Variants in ANK3 observed in about 807,000 individuals in gnomAD.
ANK3 encodes ankyrin 3.
ANK3 carries 57 observed loss-of-function variants against 370.9 expected under a neutral mutation model. The observed-to-expected ratio is 0.15, with a 90% CI of 0.12 to 0.19. The LOEUF is 0.19. Ranked by LOEUF, ANK3 falls within the 10% of genes least tolerant of loss-of-function variation. ANK3 has a pLI of 1.00. For synonymous variants in ANK3, 1,929 were observed against 1,946.3 expected, an observed-to-expected ratio of 0.99 and a Z score of 0.23; for missense variants, 4,439 against 5,302.1, an observed-to-expected ratio of 0.84 and a Z score of 5.06.
intron 2 of ANK3, among the ~76,000 whole-genome samples, chr10:60,523,964 T>C (rs1007471883): frequency 1.3e-5 from 2 of 152,040 alleles, no homozygotes; most frequent in African/African-American, 2.4e-5. Flanking sequence ...CATACACTGG[T>C]CTATTCAAAA....
chr10:60,726,181 C>A (rs970827618), intron 1 of ANK3, among the ~76,000 whole-genome samples: 2 of 152,102 alleles, frequency 1.3e-5, no homozygotes, highest in African/African-American at 4.8e-5. Context: ...AACAATCCCA[C>A]AAGGTGGATG....
intron 23 of ANK3, among the ~76,000 whole-genome samples, chr10:60,157,515 T>A (rs2095369690): frequency 6.6e-6 from 1 of 151,950 alleles, no homozygotes; most frequent in African/African-American, 2.4e-5. Flanking sequence ...ATTTTTATTT[T>A]TTATAGAGAC....
chr10:60,331,202 A>G (rs1224344649), intron 1 of ANK3, among the ~76,000 whole-genome samples: 1 of 152,166 alleles, frequency 6.6e-6, no homozygotes, highest in Non-Finnish European at 1.5e-5. Context: ...CCACCATGGC[A>G]TGTGTATACC....
Position 60,074,027 on chromosome 10 carries a change from T to A in ANK3, c.6854A>T (p.Asp2285Val). The part of the protein sequence containing the change: ...DIMKAFQSGR[D>V]PSKELAGLFE... ...CAGACCTGCCAGTTCTTTGGAAGGA[T>A]CCCGCCCGGACTGAAAGGCCTTCAT... Residue 2285 changes from aspartate to valine, a missense_variant, in exon 37 of 44, where the codon GAT becomes GTT. Coordinates refer to ENST00000280772, the MANE Select transcript of ANK3 (RefSeq NM_020987.5). 1.9e-6 allele frequency: 3 copies of A among 1,614,108 alleles called. No homozygotes were observed. The highest frequency in any genetic ancestry group is 2.5e-6 in the Non-Finnish European group (3 of 1,179,996).
chr10:60,158,677 C>CTTTCTTTCTTTT (rs2095416199), intron 23 of ANK3, among the ~76,000 whole-genome samples: 1 of 49,280 alleles, frequency 2.0e-5, no homozygotes, highest in African/African-American at 1.3e-4. Context: ...AGAGAAAGCA[C>CTTTCTTTCTTTT]TTTTTTTCTT....
chr10:60,370,364 A>C (rs2059944459), intron 1 of ANK3, among the ~76,000 whole-genome samples: 2 of 152,220 alleles, frequency 1.3e-5, no homozygotes, highest in Admixed American at 1.3e-4. Flanking sequence ...GGATTATATT[A>C]ATCATGCAGA....
intron 1 of ANK3, among the ~76,000 whole-genome samples, chr10:60,667,053 T>C (rs1459411695): frequency 1.3e-5 from 2 of 151,244 alleles, no homozygotes; most frequent in South Asian, 2.1e-4. Flanking sequence ...CTTACACTAC[T>C]GTAAAAAAAA....
Position 60,459,857 on chromosome 10 carries a change from C to T in ANK3, c.96+155329G>A, listed in dbSNP as rs558611324. Among the ~76,000 whole-genome samples the T allele has an allele frequency of 5.3e-5, 8 of 152,222 alleles. No individual in the cohort carries two copies. In the South Asian group the frequency reaches 1.7e-3, roughly 32 times the overall value. ...TCCTTTGCCAATATTTTCAGTGCTTCCTTTATCTGAAAGCCATCTGTCTCC... is the reference window on the plus strand; with the variant it reads ...TCCTTTGCCAATATTTTCAGTGCTTTCTTTATCTGAAAGCCATCTGTCTCC... On this transcript the variant is annotated intron_variant, in intron 2 of 43. Coordinates refer to the ANK3 transcript ENST00000373827.
intron 2 of ANK3, among the ~76,000 whole-genome samples, chr10:60,551,183 T>G (rs1368589876): frequency 6.6e-6 from 1 of 152,132 alleles, no homozygotes; most frequent in African/African-American, 2.4e-5. Flanking sequence ...TTCAAGGATA[T>G]CTATCACTGT....
At chr10:60,658,983 G>A (rs1351453247) in intron 1 of ANK3, among the ~76,000 whole-genome samples, 1 of 151,806 alleles carries the variant, frequency 6.6e-6, no homozygotes, top group African/African-American at 2.4e-5. Context: ...GAAGGGACGG[G>A]AGGGGAGGAT....
At chr10:60,307,453 C>T (rs1020380763) in intron 1 of ANK3, among the ~76,000 whole-genome samples, 1 of 152,098 alleles carries the variant, frequency 6.6e-6, no homozygotes, top group Non-Finnish European at 1.5e-5. Context: ...CCACCTCAGC[C>T]TCCTAAGTAG....
At chr10:60,604,822 AC>A (rs1341397628) in intron 2 of ANK3, among the ~76,000 whole-genome samples, 2 of 152,066 alleles carry the variant, frequency 1.3e-5, no homozygotes, top group African/African-American at 2.4e-5. Flanking sequence ...AGGCTCCAAC[AC>A]TCATAGATAG....
At chr10:60,304,271 C>T (rs1472578118) in intron 1 of ANK3, among the ~76,000 whole-genome samples, 1 of 151,938 alleles carries the variant, frequency 6.6e-6, no homozygotes, top group African/African-American at 2.4e-5. Context: ...CACACACACA[C>T]ACACACAGCA....
chr10:60,498,126 C>A (rs1015578723), intron 2 of ANK3, among the ~76,000 whole-genome samples: 4 of 152,152 alleles, frequency 2.6e-5, no homozygotes, highest in Admixed American at 6.5e-5. Context: ...TGCCCCCAGA[C>A]CTTTTTCTCC....
chr10:60,711,385 T>A (rs2393677), intron 1 of ANK3, among the ~76,000 whole-genome samples: 101,069 of 150,362 alleles, frequency 0.67, 34,004 homozygotes, highest in South Asian at 0.83. Flanking sequence ...TAAAAATAAA[T>A]AAATAAATAA....
At chr10:60,059,856 GGCACTA>G in intron 40 of ANK3, 1 of 1,614,234 alleles carries the variant, frequency 6.2e-7, no homozygotes, top group South Asian at 1.1e-5. Context: ...CCCCTGGGAA[GGCACTA>G]GCCCATCACT....
intron 1 of ANK3, among the ~76,000 whole-genome samples, chr10:60,709,067 T>A (rs1268493775): frequency 6.6e-6 from 1 of 152,004 alleles, no homozygotes; most frequent in African/African-American, 2.4e-5. Flanking sequence ...TGTCTGGCTA[T>A]CAAAAACAAA....
chr10:60,143,016 A>G (rs559958509), intron 23 of ANK3, among the ~76,000 whole-genome samples: 1 of 152,308 alleles, frequency 6.6e-6, no homozygotes, highest in Non-Finnish European at 1.5e-5. Context: ...TAAATGAAAT[A>G]ATGCACAAAG....
intron 1 of ANK3, among the ~76,000 whole-genome samples, chr10:60,728,364 A>G (rs2079972517): frequency 6.6e-6 from 1 of 152,184 alleles, no homozygotes; most frequent in Non-Finnish European, 1.5e-5. Context: ...TTGTTGTCTA[A>G]GATGCCATCA....
Sources: gnomAD v4.1 joint callset for allele counts (sites outside exome capture counted in the v4.1 genomes callset) on GRCh38, gnomAD v4.1.1 for gene constraint, MANE v1.5 for transcripts, NCBI Gene and HGNC (gene_info 2026-07-23, HGNC 2026-07-21) for gene names.